PCM1: variants seen among roughly 807,000 people sequenced by gnomAD.
PCM1 encodes pericentriolar material 1 protein.
In PCM1, 157 loss-of-function variants were observed where a neutral mutation model predicts 241.9. The ratio of observed to expected loss-of-function variants is 0.65; its 90% confidence interval spans 0.57 to 0.74. The LOEUF is 0.74. Ranked by LOEUF, PCM1 falls within the 30% of genes least tolerant of loss-of-function variation. The pLI is 0.00. For missense variants in PCM1, 3,478 were observed against 2,360.1 expected (o/e 1.47, Z -9.81); for synonymous variants, 1,085 against 784.9 (o/e 1.38, Z -6.39).
chr8:17,947,983 G>T (rs865837450), intron 7 of PCM1, among the ~76,000 whole-genome samples: 1 of 152,072 alleles, frequency 6.6e-6, no homozygotes. Context: ...AATTTTGTAC[G>T]TTTATCATCA....
At chr8:17,982,308 G>C (rs1011189190) in intron 24 of PCM1, among the ~76,000 whole-genome samples, 1 of 152,046 alleles carries the variant, frequency 6.6e-6, no homozygotes, top group African/African-American at 2.4e-5. Flanking sequence ...GGTAGAGGTC[G>C]AAGAAGGACA....
intron 4 of PCM1, among the ~76,000 whole-genome samples, chr8:17,938,041 T>C (rs1019700823): frequency 6.6e-6 from 1 of 152,180 alleles, no homozygotes; most frequent in Non-Finnish European, 1.5e-5. Flanking sequence ...GACACAACTT[T>C]AATTACATTG....
intron 6 of PCM1, among the ~76,000 whole-genome samples, chr8:17,944,618 A>T (rs559082932): frequency 3.9e-5 from 6 of 152,270 alleles, no homozygotes; most frequent in Non-Finnish European, 7.4e-5. Flanking sequence ...ATGTGTTTGA[A>T]GAATTAATAT....
chr8:17,970,270 G>A (rs559039123), intron 22 of PCM1, among the ~76,000 whole-genome samples: 72 of 152,124 alleles, frequency 4.7e-4, no homozygotes, highest in African/African-American at 1.7e-3. Flanking sequence ...GGTTGGCTCC[G>A]TTGAACCTAG....
intron 38 of PCM1, 84 bp from the exon 39 acceptor site, chr8:18,027,547 TTAAAAG>T (rs2094325237): frequency 1.2e-6 from 1 of 843,004 alleles, no homozygotes; most frequent in African/African-American, 1.7e-5. Context: ...TAACGTTATA[TTAAAAG>T]TAAAAGCTTT....
chr8:17,994,829 G>A lies in PCM1; in HGVS notation c.4827+1210G>A, dbSNP rs550455717. Among the ~76,000 whole-genome samples the A allele has an allele frequency of 3.6e-4, 55 of 151,488 alleles. 3 individuals carry two copies. Among genetic ancestry groups the A allele is most frequent in the African/African-American group, 8.3e-4 (34 of 40,858 alleles). On this transcript the variant is annotated intron_variant, in intron 29 of 38. Transcript: ENST00000325083. ...TGTGCCTGTTTGCCATTTGTATGTC[G>A]TCTTTTGAGAAGTGTGTCTTCAGAT...
At chr8:17,952,254 A>G (rs1041734601) in intron 8 of PCM1, among the ~76,000 whole-genome samples, 2 of 151,836 alleles carry the variant, frequency 1.3e-5, no homozygotes, top group African/African-American at 2.4e-5. Context: ...TAAATAAATA[A>G]AAAATAAAGG....
chr8:18,021,131 C>A (rs917363791), intron 36 of PCM1, among the ~76,000 whole-genome samples: 7 of 152,120 alleles, frequency 4.6e-5, no homozygotes, highest in Non-Finnish European at 8.8e-5. Flanking sequence ...GTTGAAACAA[C>A]AAAAATGGAA....
intron 38 of PCM1, among the ~76,000 whole-genome samples, chr8:18,025,960 G>A (rs975108858): frequency 7.9e-5 from 12 of 151,692 alleles, no homozygotes; most frequent in African/African-American, 2.9e-4. Context: ...GTCAGGAGAT[G>A]GAGACCATCC....
At chr8:18,004,050 A>T (rs1439801104) in intron 29 of PCM1, among the ~76,000 whole-genome samples, 1 of 127,058 alleles carries the variant, frequency 7.9e-6, no homozygotes, top group Non-Finnish European at 1.6e-5. Context: ...TATAAGGGTT[A>T]AAAAAAAAGC....
chr8:18,008,907 T>C (rs951168555), intron 30 of PCM1, among the ~76,000 whole-genome samples: 1 of 152,208 alleles, frequency 6.6e-6, no homozygotes, highest in African/African-American at 2.4e-5. Flanking sequence ...AGGGCTTAAC[T>C]TCCTCCTTGA....
chr8:18,018,342 C>CTTGT (rs1287019905), intron 36 of PCM1, among the ~76,000 whole-genome samples: 1 of 152,172 alleles, frequency 6.6e-6, no homozygotes, highest in Non-Finnish European at 1.5e-5. Flanking sequence ...TGTTTGTGGG[C>CTTGT]TTGTTTCTCA....
intron 30 of PCM1, among the ~76,000 whole-genome samples, chr8:18,008,943 A>G (rs1389137288): frequency 1.3e-5 from 2 of 152,208 alleles, no homozygotes; most frequent in Non-Finnish European, 2.9e-5. Flanking sequence ...GGGTCTTGAA[A>G]TCCTATTTTC....
intron 2 of PCM1, among the ~76,000 whole-genome samples, chr8:17,935,320 A>G (rs1412703214): frequency 6.6e-6 from 1 of 152,218 alleles, no homozygotes. Flanking sequence ...TGAATTAAGT[A>G]AGTAATCTTC....
intron 36 of PCM1, among the ~76,000 whole-genome samples, chr8:18,020,302 G>A (rs539221477): frequency 6.6e-6 from 1 of 152,194 alleles, no homozygotes; most frequent in Non-Finnish European, 1.5e-5. Flanking sequence ...GACAGCAGCA[G>A]CTAAATTGAT....
intron 9 of PCM1, among the ~76,000 whole-genome samples, chr8:17,954,400 C>A (rs2067234453): frequency 6.8e-6 from 1 of 146,822 alleles, no homozygotes; most frequent in Non-Finnish European, 1.5e-5. Context: ...GCACTCCAGC[C>A]TGGGCAACAA....
Position 17,956,694 on chromosome 8 carries a change from G to T in PCM1, c.1563G>T (p.Val521=). ...CGTCAGACATGATGACAGATGCTGT[G>T]AATGAAAACAGGAAAGATGAAGAAA... The part of the protein sequence containing the change: ...EQTSDMMTDA[V]NENRKDEETE... The change falls in exon 11 of 39, where the codon GTG becomes GTT. Residue 521 remains valine, a synonymous_variant. Coordinates refer to ENST00000325083, the MANE Select transcript of PCM1 (RefSeq NM_006197.4). 6.2e-7 allele frequency: 1 copy of T among 1,604,150 alleles called. No individual in the cohort carries two copies. Among genetic ancestry groups the T allele is most frequent in the East Asian group, 2.2e-5 (1 of 44,708 alleles).
intron 9 of PCM1, among the ~76,000 whole-genome samples, chr8:17,954,829 A>C (rs564571321): frequency 6.6e-6 from 1 of 152,346 alleles, no homozygotes; most frequent in East Asian, 1.9e-4. Context: ...AATTTAGTTC[A>C]AGGACCATAG....
chr8:17,992,670 G>A (rs1298897770), intron 28 of PCM1, among the ~76,000 whole-genome samples: 1 of 144,536 alleles, frequency 6.9e-6, no homozygotes, highest in Non-Finnish European at 1.5e-5. Context: ...AGGCTGCAAT[G>A]CAGTGGCACA....
Sources: allele counts gnomAD v4.1 joint callset (sites outside exome capture counted in the v4.1 genomes callset), GRCh38; gene constraint gnomAD v4.1.1; transcripts MANE v1.5; gene names NCBI Gene and HGNC (gene_info 2026-07-23, HGNC 2026-07-21).